Variants in NTRK2 observed in about 807,000 individuals in gnomAD.
NTRK2 encodes the protein BDNF/NT-3 growth factors receptor.
NTRK2 carries 13 observed loss-of-function variants against 94.5 expected under a neutral mutation model. That is an observed-to-expected ratio of 0.14 (90% CI 0.09 to 0.22). The LOEUF (loss-of-function observed/expected upper bound fraction) is 0.22. NTRK2 is among the 10% of genes least tolerant of loss of function. The pLI, the probability that NTRK2 is intolerant of heterozygous loss-of-function variation, is 1.00. For missense variants in NTRK2, 639 were observed against 1,071.2 expected (o/e 0.60, Z 5.63); for synonymous variants, 372 against 407.4 (o/e 0.91, Z 1.05).
chr9:85,000,091 C>G (rs561365087), intron 17 of NTRK2, among the ~76,000 whole-genome samples: 1 of 152,294 alleles, frequency 6.6e-6, no homozygotes, highest in Non-Finnish European at 1.5e-5. Context: ...ATCTTAAAAA[C>G]AGTTTCAGAG....
chr9:84,959,133 T>A (rs1311265639), intron 17 of NTRK2, among the ~76,000 whole-genome samples: 4 of 152,226 alleles, frequency 2.6e-5, no homozygotes, highest in South Asian at 2.1e-4. Context: ...TAGTAATTTT[T>A]AAAAATTTTT....
At chr9:84,863,097 T>C (rs1238910242) in intron 13 of NTRK2, among the ~76,000 whole-genome samples, 1 of 152,116 alleles carries the variant, frequency 6.6e-6, no homozygotes, top group East Asian at 1.9e-4. Flanking sequence ...CGGCCCCAGA[T>C]GTCAAAGCAC....
chr9:84,718,061 C>CTTT (rs2061823238), intron 6 of NTRK2, among the ~76,000 whole-genome samples: 1 of 151,134 alleles, frequency 6.6e-6, no homozygotes, highest in Non-Finnish European at 1.5e-5. Context: ...TCTTCCTCCT[C>CTTT]TTCTTTCTTC....
At chr9:84,763,847 G>A (rs1239328330) in intron 12 of NTRK2, among the ~76,000 whole-genome samples, 1 of 147,682 alleles carries the variant, frequency 6.8e-6, no homozygotes, top group African/African-American at 2.5e-5. Context: ...TTTTTTTATT[G>A]AGTTTCTTTG....
At chr9:84,736,759 A>G (rs1214786654) in intron 9 of NTRK2, among the ~76,000 whole-genome samples, 1 of 152,208 alleles carries the variant, frequency 6.6e-6, no homozygotes, top group Non-Finnish European at 1.5e-5. Flanking sequence ...GCCAGAGCCA[A>G]TGCTATTATC....
intron 12 of NTRK2, among the ~76,000 whole-genome samples, chr9:84,754,698 A>G (rs4144550): frequency 0.9 from 136,287 of 152,222 alleles, 61,141 homozygotes; most frequent in African/African-American, 0.95. Flanking sequence ...CACCATGTGA[A>G]AGGCTTGTGG....
chr9:84,885,486 T>G (rs1237563800), intron 14 of NTRK2, among the ~76,000 whole-genome samples: 1 of 152,140 alleles, frequency 6.6e-6, no homozygotes, highest in Non-Finnish European at 1.5e-5. Flanking sequence ...GCACATAAAA[T>G]GAATGTGTAG....
intron 12 of NTRK2, among the ~76,000 whole-genome samples, chr9:84,832,507 G>T (rs543759052): frequency 1.3e-5 from 2 of 152,344 alleles, no homozygotes; most frequent in South Asian, 4.1e-4. Flanking sequence ...TAAAAGCAGA[G>T]ACGGAGGTGA....
intron 6 of NTRK2, among the ~76,000 whole-genome samples, chr9:84,713,650 C>T (rs2061541062): frequency 6.6e-6 from 1 of 151,912 alleles, no homozygotes; most frequent in South Asian, 2.1e-4. Context: ...TGTATTTTTT[C>T]TTCTCAGTGG....
intron 17 of NTRK2, among the ~76,000 whole-genome samples, chr9:85,007,826 T>C (rs1030341715): frequency 1.8e-4 from 28 of 152,288 alleles, no homozygotes; most frequent in African/African-American, 6.7e-4. Context: ...CTGTGGCTCA[T>C]TAATTAATAA....
Position 85,021,768 on chromosome 9 carries a change from A to G in NTRK2, c.*331A>G, listed in dbSNP as rs192835211. The G allele has an allele frequency of 5.5e-5, 23 of 419,562 alleles. No individual in the cohort carries two copies. The highest frequency in any genetic ancestry group is 4.2e-4 in the African/African-American group (21 of 50,002). 26.0% of individuals were successfully genotyped at this position (419,562 alleles called of 1,614,324 possible). ...TCTTTTGAATCAATCTGGCTTCTGC[A>G]TTACTATTAACTCTGCATAGACAAA... On this transcript the variant is annotated 3_prime_UTR_variant, in exon 19 of 19. Transcript: ENST00000277120.
At chr9:84,840,825 A>G (rs1020358997) in intron 12 of NTRK2, among the ~76,000 whole-genome samples, 1 of 152,094 alleles carries the variant, frequency 6.6e-6, no homozygotes, top group African/African-American at 2.4e-5. Flanking sequence ...ATGCTGCACC[A>G]GAGTGTCCCC....
intron 14 of NTRK2, among the ~76,000 whole-genome samples, chr9:84,894,346 A>T (rs999832737): frequency 1.3e-5 from 2 of 152,136 alleles, no homozygotes; most frequent in African/African-American, 4.8e-5. Context: ...CCTCTAATGG[A>T]TTATTTTATT....
chr9:84,903,744 T>TTCTC (rs372656210), intron 14 of NTRK2, among the ~76,000 whole-genome samples: 2 of 149,878 alleles, frequency 1.3e-5, no homozygotes, highest in Non-Finnish European at 3.0e-5. Flanking sequence ...CCTCCCTCCC[T>TTCTC]TCTCTCTCTC....
At chr9:84,976,110 A>G (rs1826823970) in intron 17 of NTRK2, among the ~76,000 whole-genome samples, 1 of 152,206 alleles carries the variant, frequency 6.6e-6, no homozygotes, top group Admixed American at 6.5e-5. Flanking sequence ...GTCCAAATGT[A>G]TGAGTCAGCT....
intron 16 of NTRK2, among the ~76,000 whole-genome samples, chr9:84,949,803 C>G (rs1190404555): frequency 6.6e-6 from 1 of 152,192 alleles, no homozygotes; most frequent in Non-Finnish European, 1.5e-5. Flanking sequence ...TTCTCAAGAA[C>G]TCCCCTCCCT....
At chr9:84,724,508 C>T in intron 8 of NTRK2, 152 bp downstream of exon 8, 1 of 913,136 alleles carries the variant, frequency 1.1e-6, no homozygotes, top group South Asian at 1.4e-5. Context: ...TTATCAGCCT[C>T]TTTTACTGTT....
chr9:84,919,537 C>G (rs2077497964), intron 14 of NTRK2, among the ~76,000 whole-genome samples: 2 of 152,136 alleles, frequency 1.3e-5, no homozygotes, highest in South Asian at 4.1e-4. Context: ...AGCCTCTGTT[C>G]CCTTAGCTGT....
intron 14 of NTRK2, among the ~76,000 whole-genome samples, 168 bp from the exon 15 acceptor site, chr9:84,933,994 G>A (rs1021943979): frequency 7.2e-5 from 11 of 152,178 alleles, no homozygotes; most frequent in African/African-American, 2.7e-4. Context: ...CCTCCGCCCA[G>A]CCATTTGGGG....
Sources: gnomAD v4.1 joint callset for allele counts (sites outside exome capture counted in the v4.1 genomes callset) on GRCh38, gnomAD v4.1.1 for gene constraint, MANE v1.5 for transcripts, NCBI Gene and HGNC (gene_info 2026-07-23, HGNC 2026-07-21) for gene names.